The following ICA1 variants were observed in gnomAD, a reference collection of about 807,000 sequenced individuals.
ICA1 encodes the protein 69 kDa islet cell autoantigen.
A neutral mutation model predicts 71.0 loss-of-function variants in ICA1; 40 were observed. The observed-to-expected ratio is 0.56, with a 90% CI of 0.44 to 0.73. ICA1 has a LOEUF of 0.73. Ranked by LOEUF, ICA1 falls within the 30% of genes least tolerant of loss-of-function variation. The pLI is 0.00. For synonymous variants in ICA1, 207 were observed against 209.5 expected (o/e 0.99, Z 0.10); for missense variants, 578 against 576.5 (o/e 1.00, Z -0.03).
chr7:8,140,751 A>T (rs569482859), intron 10 of ICA1, among the ~76,000 whole-genome samples: 16 of 152,358 alleles, frequency 1.1e-4, no homozygotes, highest in Non-Finnish European at 1.9e-4. Flanking sequence ...GACATGAAGC[A>T]AGCATTAGAG....
Position 8,262,123 on chromosome 7 carries a change from G to T in ICA1, c.-109C>A, listed in dbSNP as rs887583952. 1.3e-5 allele frequency: 2 copies of T among 152,122 alleles called. No individual in the cohort carries two copies. The highest frequency in any genetic ancestry group is 6.5e-5 in the Admixed American group (1 of 15,286). The allele number at this position is 152,122 out of a possible 1,614,324, so 9.4% of individuals were successfully genotyped here. The stretch of plus-strand genomic sequence containing the variant: ...GAGCCCCGGCCCCCAGGAGCCTCCC[G>T]GCCGCGGTCGGAGCGTCCCTCCGGA... On this transcript the variant is annotated 5_prime_UTR_variant, in exon 1 of 14. Transcript: ENST00000402384.
intron 1 of ICA1, among the ~76,000 whole-genome samples, chr7:8,238,748 T>C (rs1271102328): frequency 1.3e-5 from 2 of 152,208 alleles, no homozygotes; most frequent in Non-Finnish European, 2.9e-5. Flanking sequence ...GCTGAGCAAA[T>C]TGCCCCTTCT....
rs1783762861 is a variant in ICA1 at position 8,113,335 on chromosome 7, G to A, written c.*588C>T. 6.6e-6 allele frequency: 1 copy of A among 152,496 alleles called. No homozygotes were observed. Among genetic ancestry groups the A allele is most frequent in the East Asian group, 1.9e-4 (1 of 5,184 alleles). The allele number at this position is 152,496 out of a possible 1,614,324, so 9.4% of individuals were successfully genotyped here. ...AAATATGGCTGCTTTCCATAGTAAGGTTTGTGCCTTGGACAGAAGCCCAGC... is the reference window on the plus strand; with the variant it reads ...AAATATGGCTGCTTTCCATAGTAAGATTTGTGCCTTGGACAGAAGCCCAGC... On this transcript the variant is annotated 3_prime_UTR_variant, in exon 14 of 14. Coordinates refer to ENST00000402384, the MANE Select transcript of ICA1 (RefSeq NM_001136020.3). This position sits in a 1 kb window ranked among gnomAD's most constrained non-coding sequence, Gnocchi z 4.2.
Position 8,124,334 on chromosome 7 carries a change from T to C in ICA1, c.1330+3539A>G, listed in dbSNP as rs574267678. 3.9e-5 allele frequency among the ~76,000 whole-genome samples: 6 copies of C among 151,920 alleles called. No homozygotes were observed. The East Asian group carries it at 1.2e-3, about 29-fold the overall frequency. The stretch of plus-strand genomic sequence containing the variant: ...CGGGGTTTCACCATTTTGGCCATGA[T>C]GGTCTCGACCTCTTGACCTCATGAT... On this transcript the variant is annotated intron_variant, in intron 13 of 13. Transcript: ENST00000402384.
intron 6 of ICA1, among the ~76,000 whole-genome samples, chr7:8,170,654 T>C (rs1338776297): frequency 1.3e-5 from 2 of 152,008 alleles, no homozygotes; most frequent in African/African-American, 4.8e-5. Flanking sequence ...TTTTATAACT[T>C]CAGCTTGTAT....
At position 8,170,081 on chromosome 7, in the gene ICA1, G is replaced by A. The variant is rs535006161; in HGVS notation, c.580-11429C>T. Among the ~76,000 whole-genome samples, 56 of 152,036 alleles carry A rather than the reference G, an allele frequency of 3.7e-4. No homozygotes were observed. The East Asian group carries it at 0.01, about 28-fold the overall frequency. Reference sequence around the variant, plus strand: ...ACACATGGTGTGGGACAAAGATGTAGGCTCATTTTGTTTTTCCTCAATACG... The same window carrying A: ...ACACATGGTGTGGGACAAAGATGTAAGCTCATTTTGTTTTTCCTCAATACG... On this transcript the variant is annotated intron_variant, in intron 6 of 13. Coordinates refer to ENST00000402384, the MANE Select transcript of ICA1 (RefSeq NM_001136020.3).
intron 8 of ICA1, among the ~76,000 whole-genome samples, chr7:8,147,796 C>T (rs1430403485): frequency 6.6e-6 from 1 of 151,708 alleles, no homozygotes; most frequent in Non-Finnish European, 1.5e-5. Context: ...TTGCAGTACA[C>T]AGTAAGTAGG....
chr7:8,135,970 C>T (rs928304571), intron 12 of ICA1, among the ~76,000 whole-genome samples: 11 of 152,102 alleles, frequency 7.2e-5, no homozygotes, highest in Non-Finnish European at 1.3e-4. Context: ...TTATAATTAA[C>T]GAATTGAGGT....
At chr7:8,126,816 T>C (rs1375275940) in intron 13 of ICA1, among the ~76,000 whole-genome samples, 3 of 152,212 alleles carry the variant, frequency 2.0e-5, no homozygotes, top group African/African-American at 4.8e-5. Flanking sequence ...AAAAAATGGT[T>C]TCCTTTCAGA....
intron 12 of ICA1, among the ~76,000 whole-genome samples, chr7:8,133,344 G>C (rs1792175428): frequency 6.6e-6 from 1 of 151,952 alleles, no homozygotes; most frequent in African/African-American, 2.4e-5. Context: ...ATCCAGGCTG[G>C]AGTGCAGTGG....
intron 6 of ICA1, among the ~76,000 whole-genome samples, chr7:8,208,875 A>C (rs1281881842): frequency 1.3e-5 from 2 of 152,196 alleles, no homozygotes; most frequent in African/African-American, 4.8e-5. Context: ...ACATGGAAAC[A>C]GTCATCCAAG....
chr7:8,139,131 A>C, intron 10 of ICA1, 84 bp from the exon 11 acceptor site: 1 of 1,080,502 alleles, frequency 9.3e-7, no homozygotes, highest in Admixed American at 1.8e-5. Flanking sequence ...AGGTAAATGC[A>C]CGGCTTCAGG....
chr7:8,206,417 T>C (rs1282825205), intron 6 of ICA1, among the ~76,000 whole-genome samples: 1 of 152,158 alleles, frequency 6.6e-6, no homozygotes, highest in South Asian at 2.1e-4. Context: ...CTGATTTCTC[T>C]CTTCCCTTTA....
intron 6 of ICA1, among the ~76,000 whole-genome samples, chr7:8,191,476 T>C (rs1785616773): frequency 6.6e-6 from 1 of 152,218 alleles, no homozygotes; most frequent in Non-Finnish European, 1.5e-5. Flanking sequence ...TTAAGCACTG[T>C]AGTATAGTAT....
intron 8 of ICA1, among the ~76,000 whole-genome samples, chr7:8,153,244 C>G (rs933248946): frequency 6.6e-6 from 1 of 152,202 alleles, no homozygotes; most frequent in South Asian, 2.1e-4. Context: ...TCCAAAAACA[C>G]TGGGAAGAGA....
At chr7:8,262,017 C>G (rs1812688633) in intron 1 of ICA1, 77 bp downstream of exon 1, 1 of 152,200 alleles carries the variant, frequency 6.6e-6, no homozygotes. Context: ...CCCCGACCGT[C>G]CCGGCTGCCG....
rs1041361055 is a variant in ICA1 at position 8,173,339 on chromosome 7, T to C, written c.580-14687A>G. ...CTCCCACTAGCCAAAAATGAGACAT[T>C]GTGAGCATCAATGAAGTTAATATTG... On this transcript the variant is annotated intron_variant, in intron 6 of 13. Transcript: ENST00000402384. The surrounding 1 kb of genome is among the most constrained non-coding windows in gnomAD (Gnocchi z 4.0). Among the ~76,000 whole-genome samples the C allele has an allele frequency of 6.6e-6, 1 of 152,138 alleles. No homozygotes were observed. Among genetic ancestry groups the C allele is most frequent in the Non-Finnish European group, 1.5e-5 (1 of 68,024 alleles).
intron 13 of ICA1, 41 bp downstream of exon 13, chr7:8,127,832 G>GAACAAACAAAAAACCCC: frequency 6.5e-6 from 10 of 1,540,166 alleles, no homozygotes; most frequent in Non-Finnish European, 8.7e-6. Context: ...CAAAAAGAAT[G>GAACAAACAAAAAACCCC]AACAAACAAA....
In ICA1 at chr7:8,205,074, C is replaced by T. The variant is rs576420840; in HGVS notation, c.579+13231G>A. 2.6e-4 allele frequency among the ~76,000 whole-genome samples: 16 copies of T among 62,456 alleles called. No homozygotes were observed. The Admixed American group carries it at 2.7e-3, about 10-fold the overall frequency. The allele number at this position is 62,456 out of a possible 152,430, so 41.0% of individuals were successfully genotyped here. A position where few individuals can be genotyped will look rare whatever the true frequency, so the allele number is the denominator to read the frequency against. On this transcript the variant is annotated intron_variant, in intron 6 of 13. Coordinates refer to ENST00000402384, the MANE Select transcript of ICA1 (RefSeq NM_001136020.3). ...TTGCTTTTTATTTTAAAATGGAAGA[C>T]ATGCAAAAAAAAAAAAAAAAGGCGG...
Sources: gnomAD v4.1 joint callset for allele counts (sites outside exome capture counted in the v4.1 genomes callset) on GRCh38, gnomAD v4.1.1 for gene constraint, Gnocchi (gnomAD v3.1) non-coding constraint, MANE v1.5 for transcripts, NCBI Gene and HGNC (gene_info 2026-07-23, HGNC 2026-07-21) for gene names.